FAM216A: variants seen among roughly 807,000 people sequenced by gnomAD.
FAM216A encodes the protein protein FAM216A.
Under a neutral mutation model 37.6 loss-of-function variants are expected in FAM216A, and 26 were observed. The ratio of observed to expected loss-of-function variants is 0.69; its 90% CI spans 0.51 to 0.96. FAM216A has a LOEUF of 0.96. Among genes scored for constraint, FAM216A ranks in the 40% least tolerant of loss-of-function variants. The pLI, the probability that FAM216A is intolerant of heterozygous loss-of-function variation, is 0.00. For missense variants in FAM216A, 326 were observed against 339.3 expected (o/e 0.96, Z 0.31); for synonymous variants, 110 against 121.7 (o/e 0.90, Z 0.64).
At chr12:110,482,144 C>T (rs200480697) in intron 2 of FAM216A, among the ~76,000 whole-genome samples, 103 of 151,758 alleles carry the variant, frequency 6.8e-4, no homozygotes, top group African/African-American at 2.3e-3. Context: ...TGCAGTGTTG[C>T]GATCTCGGCT....
chr12:110,486,839 T>A, intron 5 of FAM216A, 122 bp downstream of exon 5: 2 of 877,208 alleles, frequency 2.3e-6, no homozygotes, highest in Non-Finnish European at 3.4e-6. Flanking sequence ...TACTGTATTC[T>A]CAAACTCCTG....
intron 6 of FAM216A, among the ~76,000 whole-genome samples, chr12:110,489,388 C>T (rs909191804): frequency 1.3e-5 from 2 of 151,640 alleles, no homozygotes; most frequent in African/African-American, 4.9e-5. Context: ...CCTGTAATCC[C>T]AGCTACTCGG....
intron 2 of FAM216A, among the ~76,000 whole-genome samples, chr12:110,484,448 A>C (rs955447970): frequency 4.0e-4 from 59 of 148,910 alleles, no homozygotes; most frequent in Non-Finnish European, 2.4e-4. Flanking sequence ...AAAAAAAAAA[A>C]AAAAAAACTA....
Position 110,486,607 on chromosome 12 carries a change from G to A in FAM216A, c.510G>A (p.Trp170Ter). 1.2e-6 allele frequency: 2 copies of A among 1,614,080 alleles called. No homozygotes were observed. Among genetic ancestry groups the A allele is most frequent in the Non-Finnish European group, 1.7e-6 (2 of 1,180,014 alleles). Residue 170 changes from tryptophan to a stop codon, truncating the protein, a stop_gained, in exon 5 of 7, where the codon TGG becomes TGA. Coordinates refer to ENST00000377673, the MANE Select transcript of FAM216A (RefSeq NM_013300.3). LOFTEE classifies it high-confidence loss of function. Reference protein sequence around the residue: ...SQKQHYPCTTWRHQLEREDSG... With the variant: ...SQKQHYPCTT ...AACAGCATTACCCTTGCACTACATG[G>A]CGACATCAACTGGAGAGAGAGGACT...
intron 4 of FAM216A, 38 bp downstream of exon 4, chr12:110,486,492 C>T: frequency 6.8e-6 from 11 of 1,607,242 alleles, no homozygotes; most frequent in Non-Finnish European, 9.4e-6. Context: ...CTAGTTTTTA[C>T]AATTAGTGAG....
chr12:110,485,881 T>C (rs2062774035), intron 3 of FAM216A, among the ~76,000 whole-genome samples: 1 of 152,170 alleles, frequency 6.6e-6, no homozygotes, highest in Non-Finnish European at 1.5e-5. Flanking sequence ...ATACTATCCC[T>C]CAGAATGTCC....
At chr12:110,489,991 CAATTGTA>C in intron 6 of FAM216A, 21 bp from the exon 7 acceptor site, 4 of 1,064,778 alleles carry the variant, frequency 3.8e-6, no homozygotes, top group Non-Finnish European at 4.4e-6. Flanking sequence ...CCAAAACAGA[CAATTGTA>C]AATTCTTATT....
In FAM216A at chr12:110,468,853, G is replaced by A. The variant is rs1192418747; in HGVS notation, c.-23G>A. The stretch of plus-strand genomic sequence containing the variant: ...CTCTCCGGAATACCAGCAGCCTGAC[G>A]CACGCGTGCTGTCGGGGGAGGGATG... On this transcript the variant is annotated 5_prime_UTR_variant, in exon 1 of 7. Coordinates refer to ENST00000377673, the MANE Select transcript of FAM216A (RefSeq NM_013300.3). 3 of 1,483,418 alleles carry A rather than the reference G, an allele frequency of 2.0e-6. No homozygotes were observed. Among genetic ancestry groups the A allele is most frequent in the South Asian group, 2.6e-5 (2 of 78,418 alleles). 91.9% of individuals were successfully genotyped at this position (1,483,418 alleles called of 1,614,324 possible).
intron 2 of FAM216A, among the ~76,000 whole-genome samples, chr12:110,481,110 T>A (rs1850568571): frequency 6.6e-6 from 1 of 152,228 alleles, no homozygotes; most frequent in Admixed American, 6.5e-5. Context: ...CTTATTTTTT[T>A]AAAGCTAAAT....
intron 1 of FAM216A, among the ~76,000 whole-genome samples, chr12:110,470,634 C>A (rs1048014051): frequency 1.3e-5 from 2 of 151,968 alleles, no homozygotes; most frequent in African/African-American, 4.8e-5. Flanking sequence ...TGCGCCACCA[C>A]GTACCTGGCT....
chr12:110,470,333 C>T (rs540311411), intron 1 of FAM216A, among the ~76,000 whole-genome samples: 2 of 152,044 alleles, frequency 1.3e-5, no homozygotes, highest in African/African-American at 4.8e-5. Flanking sequence ...CTCCTGACCT[C>T]GTGATCCGCC....
chr12:110,484,894 G>A (rs899667281), intron 2 of FAM216A, among the ~76,000 whole-genome samples, 184 bp from the exon 3 acceptor site: 2 of 151,952 alleles, frequency 1.3e-5, no homozygotes, highest in Admixed American at 6.6e-5. Flanking sequence ...TAGAGACAGG[G>A]TTTCACCGTG....
intron 2 of FAM216A, among the ~76,000 whole-genome samples, chr12:110,474,045 G>T (rs2062701855): frequency 6.6e-6 from 1 of 151,616 alleles, no homozygotes; most frequent in African/African-American, 2.4e-5. Flanking sequence ...GCTTTTCCTT[G>T]GTAAATATAT....
At chr12:110,483,082 T>C (rs939155314) in intron 2 of FAM216A, among the ~76,000 whole-genome samples, 1 of 151,996 alleles carries the variant, frequency 6.6e-6, no homozygotes, top group Non-Finnish European at 1.5e-5. Flanking sequence ...CCCCAGCACT[T>C]TGGGAGGCCA....
intron 1 of FAM216A, among the ~76,000 whole-genome samples, chr12:110,469,876 T>C (rs530875677): frequency 6.6e-6 from 1 of 152,230 alleles, no homozygotes; most frequent in East Asian, 1.9e-4. Context: ...GATCTTGACA[T>C]TTTCTTCACA....
chr12:110,484,572 C>A (rs2135553506), intron 2 of FAM216A, among the ~76,000 whole-genome samples: 1 of 151,064 alleles, frequency 6.6e-6, no homozygotes, highest in African/African-American at 2.4e-5. Context: ...CAACACTTTG[C>A]ATCTTAGCTG....
intron 2 of FAM216A, among the ~76,000 whole-genome samples, chr12:110,474,949 G>A (rs1286143171): frequency 1.3e-5 from 2 of 151,544 alleles, no homozygotes; most frequent in African/African-American, 2.4e-5. Flanking sequence ...CCGAGATCGC[G>A]CCATTGAACT....
intron 5 of FAM216A, 173 bp from the exon 6 acceptor site, chr12:110,487,688 G>A: frequency 1.7e-6 from 1 of 603,294 alleles, no homozygotes; most frequent in Non-Finnish European, 3.0e-6. Flanking sequence ...TATTGAAATT[G>A]CACTGCAGCA....
At chr12:110,476,536 C>T (rs774281061) in intron 2 of FAM216A, among the ~76,000 whole-genome samples, 2 of 147,018 alleles carry the variant, frequency 1.4e-5, no homozygotes, top group African/African-American at 2.5e-5. Flanking sequence ...TAGCTTTTTT[C>T]TTTTTTTTGA....
Sources: allele counts gnomAD v4.1 joint callset (sites outside exome capture counted in the v4.1 genomes callset), GRCh38; gene constraint gnomAD v4.1.1; transcripts MANE v1.5; gene names NCBI Gene and HGNC (gene_info 2026-07-23, HGNC 2026-07-21).